Variants in AGO2 observed in about 807,000 individuals in gnomAD.
AGO2 encodes the protein protein argonaute-2.
AGO2 carries 5 observed loss-of-function variants against 102.3 expected under a neutral mutation model. The ratio of observed to expected loss-of-function variants is 0.05; its 90% CI spans 0.03 to 0.10. The LOEUF is 0.10. Among genes scored for constraint, AGO2 ranks in the 10% least tolerant of loss-of-function variants. AGO2 has a pLI of 1.00. For missense variants in AGO2, 541 were observed against 1,183.7 expected (o/e 0.46, Z 7.97); for synonymous variants, 449 against 473.1 (o/e 0.95, Z 0.66).
At chr8:140,541,547 G>A (rs13269834) in intron 14 of AGO2, 189 bp from the exon 15 acceptor site, 139,955 of 546,228 alleles carry the variant, frequency 0.26, 19,661 homozygotes, top group East Asian at 0.37. Context: ...AATAGTGTTC[G>A]TAAATACGTA....
At chr8:140,563,055 C>T (rs779834179) in intron 3 of AGO2, among the ~76,000 whole-genome samples, 2 of 152,316 alleles carry the variant, frequency 1.3e-5, no homozygotes, top group African/African-American at 2.4e-5. Context: ...AGTTGAATCG[C>T]GATCTGGCCC....
intron 1 of AGO2, among the ~76,000 whole-genome samples, chr8:140,590,899 C>A (rs2073738043): frequency 6.6e-6 from 1 of 152,188 alleles, no homozygotes; most frequent in Non-Finnish European, 1.5e-5. Context: ...CCTCATGGGT[C>A]CCAGCTTAGG....
chr8:140,611,949 G>A (rs1203393543), intron 1 of AGO2, among the ~76,000 whole-genome samples: 1 of 152,150 alleles, frequency 6.6e-6, no homozygotes, highest in Non-Finnish European at 1.5e-5. Context: ...GTTCGACCGG[G>A]CGCGGTGGCT....
upstream of AGO2, among the ~76,000 whole-genome samples, chr8:140,636,114 A>T (rs959591395): frequency 3.5e-5 from 5 of 141,936 alleles, no homozygotes; most frequent in Admixed American, 6.9e-5. Context: ...CTCGGCCCCC[A>T]GCCTGGCTCT....
At chr8:140,635,149 C>G (rs1327490268) in intron 1 of AGO2, among the ~76,000 whole-genome samples, 1 of 146,460 alleles carries the variant, frequency 6.8e-6, no homozygotes, top group African/African-American at 2.4e-5. Flanking sequence ...GGCCCCGGCC[C>G]CAGCCCGCGG....
rs201599088 is a variant in AGO2, at chr8:140,593,550, T to TA, written c.23-8240dup. ...ATCTGTGCTAAGCAGCTAGGAAAGT[T>TA]AAAAAAAAAAAAAAAAAAAAACTTT... On this transcript the variant is annotated intron_variant, in intron 1 of 18. Transcript: ENST00000220592. 3.0e-3 allele frequency among the ~76,000 whole-genome samples: 412 copies of TA among 135,430 alleles called. 1 individual carries two copies. The highest frequency in any genetic ancestry group is 8.1e-3 in the African/African-American group (291 of 36,054). 88.8% of individuals were successfully genotyped at this position (135,430 alleles called of 152,430 possible). A position where few individuals can be genotyped will look rare whatever the true frequency, so the allele number is the denominator to read the frequency against.
chr8:140,562,836 G>A (rs1394444906), intron 3 of AGO2, among the ~76,000 whole-genome samples: 1 of 152,176 alleles, frequency 6.6e-6, no homozygotes, highest in Non-Finnish European at 1.5e-5. Context: ...ACTTACTTTT[G>A]ATGAATTTAA....
rs1455182888 is a variant in AGO2, at chr8:140,520,708, A to AG, written c.*11335_*11336insC. The AG allele has an allele frequency of 6.6e-6, 1 of 151,680 alleles. No individual in the cohort carries two copies. The highest frequency in any genetic ancestry group is 2.4e-5 in the African/African-American group (1 of 41,248). The allele number at this position is 151,680 out of a possible 1,614,324, so 9.4% of individuals were successfully genotyped here. A position where few individuals can be genotyped will look rare whatever the true frequency, so the allele number is the denominator to read the frequency against. On this transcript the variant is annotated 3_prime_UTR_variant, in exon 19 of 19. Transcript: ENST00000220592. Reference sequence around the variant, plus strand: ...TGAGGTCTGTGTTGGGGGAAAAAAAAAAAGGTGACATGATTTTTAACCTTG... The same window carrying AG: ...TGAGGTCTGTGTTGGGGGAAAAAAAAGAAAGGTGACATGATTTTTAACCTTG...
chr8:140,547,443 C>A (rs757622822), intron 13 of AGO2, 25 bp downstream of exon 13: 42 of 1,609,510 alleles, frequency 2.6e-5, no homozygotes, highest in Non-Finnish European at 3.6e-5. Context: ...GGTCCGCAGG[C>A]GGAGGTAAAG....
intron 1 of AGO2, among the ~76,000 whole-genome samples, chr8:140,599,426 GTGA>G (rs1340201664): frequency 1.3e-5 from 2 of 152,174 alleles, no homozygotes; most frequent in Admixed American, 6.5e-5. Context: ...AACGTCTTTT[GTGA>G]TGATGAAGAC....
At chr8:140,637,524 C>G (rs141356905), upstream of AGO2, 1 of 152,274 alleles carries the variant, frequency 6.6e-6, no homozygotes, top group East Asian at 1.9e-4. Context: ...TGTGTCACTT[C>G]TCTTTGGATG....
At chr8:140,634,001 C>T (rs905582409) in intron 1 of AGO2, among the ~76,000 whole-genome samples, 1 of 152,242 alleles carries the variant, frequency 6.6e-6, no homozygotes, top group African/African-American at 2.4e-5. Context: ...CTGGGTTCCT[C>T]TACAAAGAGG....
At chr8:140,631,210 G>T (rs1248565492) in intron 1 of AGO2, among the ~76,000 whole-genome samples, 1 of 152,180 alleles carries the variant, frequency 6.6e-6, no homozygotes, top group Non-Finnish European at 1.5e-5. Flanking sequence ...AAAAACGGAG[G>T]GGGAGGGGAG....
intron 1 of AGO2, chr8:140,606,025 T>A (rs2073993812): frequency 6.6e-6 from 1 of 152,350 alleles, no homozygotes. Context: ...TATCAACAAA[T>A]TATGCAGACT....
intron 10 of AGO2, among the ~76,000 whole-genome samples, chr8:140,552,131 T>C (rs953631442): frequency 6.6e-6 from 1 of 152,250 alleles, no homozygotes; most frequent in African/African-American, 2.4e-5. Flanking sequence ...TCCTGTTCTA[T>C]ACAGAGCTTT....
At chr8:140,604,044 C>T (rs1030322667) in intron 1 of AGO2, among the ~76,000 whole-genome samples, 2 of 152,206 alleles carry the variant, frequency 1.3e-5, no homozygotes, top group Non-Finnish European at 2.9e-5. Flanking sequence ...CCAAGGTGGC[C>T]GAGAGGCTAA....
At chr8:140,600,368 A>T (rs2073914321) in intron 1 of AGO2, among the ~76,000 whole-genome samples, 1 of 152,204 alleles carries the variant, frequency 6.6e-6, no homozygotes, top group South Asian at 2.1e-4. Flanking sequence ...CGGAGGAGTC[A>T]GCGTCATGGG....
chr8:140,595,663 T>G (rs1346011881), intron 1 of AGO2, among the ~76,000 whole-genome samples: 1 of 134,982 alleles, frequency 7.4e-6, no homozygotes, highest in African/African-American at 2.7e-5. Context: ...AGGCTATATA[T>G]ATTATATATA....
intron 8 of AGO2, among the ~76,000 whole-genome samples, chr8:140,556,808 G>A (rs1044553473): frequency 2.6e-5 from 4 of 152,192 alleles, no homozygotes; most frequent in African/African-American, 9.7e-5. Context: ...CAACGGTGCA[G>A]TGACGGAGCA....
Sources: gnomAD v4.1 joint callset for allele counts (sites outside exome capture counted in the v4.1 genomes callset) on GRCh38, gnomAD v4.1.1 for gene constraint, MANE v1.5 for transcripts, NCBI Gene and HGNC (gene_info 2026-07-23, HGNC 2026-07-21) for gene names.